WDR70: variants seen among roughly 807,000 people sequenced by gnomAD.
WDR70 encodes the protein WD repeat-containing protein 70.
WDR70 carries 53 observed loss-of-function variants against 88.6 expected under a neutral mutation model. The observed-to-expected ratio is 0.60, with a 90% confidence interval of 0.48 to 0.75. The LOEUF (loss-of-function observed/expected upper bound fraction) is 0.75. Ranked by LOEUF, WDR70 falls within the 30% of genes least tolerant of loss-of-function variation. The pLI is 0.00. For missense variants in WDR70, 610 were observed against 823.2 expected (o/e 0.74, Z 3.17); for synonymous variants, 280 against 270.0 (o/e 1.04, Z -0.36).
At chr5:37,747,443 T>A (rs1581546229) in intron 17 of WDR70, among the ~76,000 whole-genome samples, 1 of 152,164 alleles carries the variant, frequency 6.6e-6, no homozygotes, top group African/African-American at 2.4e-5. Flanking sequence ...TTAGATAAAA[T>A]TCAACACCCC....
At chr5:37,544,258 G>A (rs963755785) in intron 9 of WDR70, among the ~76,000 whole-genome samples, 1 of 152,124 alleles carries the variant, frequency 6.6e-6, no homozygotes, top group African/African-American at 2.4e-5. Context: ...GAGTTCTTTA[G>A]TCTTCCACTT....
intron 10 of WDR70, among the ~76,000 whole-genome samples, chr5:37,677,589 G>C (rs949441720): frequency 1.3e-5 from 2 of 152,126 alleles, no homozygotes; most frequent in Admixed American, 6.5e-5. Context: ...ATTGCACTGT[G>C]GTCTGAGAGA....
chr5:37,481,219 G>A (rs1010175664), intron 8 of WDR70, among the ~76,000 whole-genome samples: 10 of 152,200 alleles, frequency 6.6e-5, no homozygotes, highest in African/African-American at 2.4e-4. Flanking sequence ...CTGGAGGATG[G>A]TGGCCGTTTT....
chr5:37,474,116 T>C (rs2112140926), intron 7 of WDR70, among the ~76,000 whole-genome samples: 1 of 152,350 alleles, frequency 6.6e-6, no homozygotes, highest in African/African-American at 2.4e-5. Flanking sequence ...TCTTGCTTTA[T>C]TTTCAAACAT....
chr5:37,752,391 C>A, intron 17 of WDR70, 95 bp from the exon 18 acceptor site: 2 of 754,636 alleles, frequency 2.7e-6, no homozygotes, highest in South Asian at 1.8e-5. Context: ...AATTTATTCC[C>A]CACATTTGCT....
intron 5 of WDR70, among the ~76,000 whole-genome samples, chr5:37,418,262 AATTTT>A (rs1424093637): frequency 1.3e-5 from 2 of 152,116 alleles, no homozygotes; most frequent in African/African-American, 4.8e-5. Flanking sequence ...TAAAAATTTT[AATTTT>A]ATTTTAAGAT....
chr5:37,410,868 A>G (rs1413501764), intron 5 of WDR70, among the ~76,000 whole-genome samples: 1 of 152,232 alleles, frequency 6.6e-6, no homozygotes, highest in Non-Finnish European at 1.5e-5. Context: ...CTATTTCCAT[A>G]AGAACCATTA....
chr5:37,384,121 G>GA (rs1748523624), intron 3 of WDR70, among the ~76,000 whole-genome samples: 1 of 150,588 alleles, frequency 6.6e-6, no homozygotes, highest in South Asian at 2.1e-4. Context: ...TAAGAGATAG[G>GA]AAAAACCAAG....
At chr5:37,470,130 CAAAAACAAAAA>C (rs890022465) in intron 7 of WDR70, among the ~76,000 whole-genome samples, 46 of 8,042 alleles carry the variant, frequency 5.7e-3, no homozygotes, top group South Asian at 0.077. Context: ...AAAACAAAAA[CAAAAACAAAAA>C]AAAACGCACA....
At chr5:37,681,042 T>G (rs1380312159) in intron 10 of WDR70, among the ~76,000 whole-genome samples, 1 of 152,222 alleles carries the variant, frequency 6.6e-6, no homozygotes, top group Non-Finnish European at 1.5e-5. Context: ...ATGGCCATTT[T>G]CTTGATACTG....
rs769814261 is a variant in WDR70, at chr5:37,379,505, G to C, written c.42G>C (p.Ala14=). The C allele has an allele frequency of 6.2e-7, 1 of 1,614,000 alleles. No individual in the cohort carries two copies. The highest frequency in any genetic ancestry group is 1.1e-5 in the South Asian group (1 of 91,076). The part of the protein sequence containing the change: ...SGPSEVTGSD[A]SGPDPQLAVT... ...TTGCTCCAGTGACAGGCTCAGACGCGTCGGGACCGGACCCGCAGCTTGCGG... is the reference window on the plus strand; with the variant it reads ...TTGCTCCAGTGACAGGCTCAGACGCCTCGGGACCGGACCCGCAGCTTGCGG... The change falls in exon 2 of 18, where the codon GCG becomes GCC. Residue 14 remains alanine (A), a synonymous_variant. Coordinates refer to ENST00000265107, the MANE Select transcript of WDR70 (RefSeq NM_018034.4).
intron 10 of WDR70, among the ~76,000 whole-genome samples, chr5:37,664,031 A>G (rs189430322): frequency 6.6e-6 from 1 of 152,164 alleles, no homozygotes; most frequent in East Asian, 1.9e-4. Flanking sequence ...CCACTTCACA[A>G]ATTAGCTGGA....
chr5:37,618,044 G>C (rs1744394353), intron 10 of WDR70, among the ~76,000 whole-genome samples: 1 of 152,138 alleles, frequency 6.6e-6, no homozygotes, highest in Non-Finnish European at 1.5e-5. Flanking sequence ...CACAGGTAAA[G>C]TTGGAAGAAT....
intron 7 of WDR70, among the ~76,000 whole-genome samples, chr5:37,474,554 C>T (rs1561866163): frequency 6.6e-6 from 1 of 151,968 alleles, no homozygotes; most frequent in East Asian, 1.9e-4. Flanking sequence ...TGTTATTATT[C>T]TTTTTTTTAA....
intron 9 of WDR70, among the ~76,000 whole-genome samples, chr5:37,534,185 G>T (rs1421066744): frequency 6.6e-6 from 1 of 152,148 alleles, no homozygotes; most frequent in Non-Finnish European, 1.5e-5. Flanking sequence ...TGTTCATGAT[G>T]TGAGTCTCTA....
At chr5:37,637,339 T>TAAAATAAA (rs1203011250) in intron 10 of WDR70, among the ~76,000 whole-genome samples, 1 of 145,036 alleles carries the variant, frequency 6.9e-6, no homozygotes, top group African/African-American at 2.5e-5. Flanking sequence ...AATAAATAAA[T>TAAAATAAA]TAAATAAATA....
intron 13 of WDR70, among the ~76,000 whole-genome samples, chr5:37,717,617 G>A (rs1261708558): frequency 3.3e-5 from 5 of 152,146 alleles, no homozygotes; most frequent in Admixed American, 6.5e-5. Context: ...TCTGATGTTG[G>A]TTCCTTAGGC....
chr5:37,402,410 G>A (rs1749225471), intron 5 of WDR70, among the ~76,000 whole-genome samples: 1 of 151,892 alleles, frequency 6.6e-6, no homozygotes, highest in Non-Finnish European at 1.5e-5. Flanking sequence ...GTGCTGCAGT[G>A]AAAAGGGGAG....
In WDR70 at chr5:37,540,592, G is replaced by C. The variant is rs1304906856; in HGVS notation, c.917+24002G>C. Among the ~76,000 whole-genome samples, 3 of 152,304 alleles carry C rather than the reference G, an allele frequency of 2.0e-5. No homozygotes were observed. The East Asian group carries it at 5.8e-4, about 29-fold the overall frequency. ...AGATGGGATTTCACCATGTTGGCCA[G>C]CATGGTCTTGATCTCTTGACCTCGT... On this transcript the variant is annotated intron_variant, in intron 9 of 17. Transcript: ENST00000265107.
Sources: allele counts gnomAD v4.1 joint callset (sites outside exome capture counted in the v4.1 genomes callset), GRCh38; gene constraint gnomAD v4.1.1; transcripts MANE v1.5; gene names NCBI Gene and HGNC (gene_info 2026-07-23, HGNC 2026-07-21).